Variants in CTIF observed in about 807,000 individuals in gnomAD.
CTIF encodes CBP80/20-dependent translation initiation factor.
CTIF carries 21 observed loss-of-function variants against 66.0 expected under a neutral mutation model. That is an observed-to-expected ratio of 0.32 (90% CI 0.23 to 0.46). CTIF has a LOEUF of 0.46. CTIF is among the 20% of genes least tolerant of loss of function. The pLI, the probability that CTIF is intolerant of heterozygous loss-of-function variation, is 1.00. For synonymous variants in CTIF, 345 were observed against 326.4 expected (o/e 1.06, Z -0.62); for missense variants, 739 against 812.7 (o/e 0.91, Z 1.10).
intron 9 of CTIF, among the ~76,000 whole-genome samples, chr18:48,776,747 G>A (rs1336225882): frequency 6.6e-6 from 1 of 152,272 alleles, no homozygotes; most frequent in African/African-American, 2.4e-5. Flanking sequence ...ACTAGGGAGA[G>A]GCTGGAACCC....
At chr18:48,597,754 C>G (rs1370426615) in intron 1 of CTIF, among the ~76,000 whole-genome samples, 1 of 152,168 alleles carries the variant, frequency 6.6e-6, no homozygotes, top group Non-Finnish European at 1.5e-5. Flanking sequence ...CTCAGGTATT[C>G]CTTTATAGCA....
intron 6 of CTIF, among the ~76,000 whole-genome samples, chr18:48,674,540 C>G (rs1397788176): frequency 1.3e-5 from 2 of 152,228 alleles, no homozygotes; most frequent in African/African-American, 4.8e-5. Context: ...ATGCTGACAC[C>G]TAGGCGTCTG....
intron 6 of CTIF, among the ~76,000 whole-genome samples, chr18:48,676,842 G>A (rs909539208): frequency 2.6e-5 from 4 of 151,944 alleles, no homozygotes; most frequent in African/African-American, 4.8e-5. Context: ...TAAAGAATCC[G>A]AGGGACAAAT....
intron 1 of CTIF, chr18:48,540,075 C>CG (rs1275239533): frequency 3.9e-5 from 6 of 152,122 alleles, no homozygotes; most frequent in Admixed American, 1.3e-4. Flanking sequence ...CCGCGGGCCG[C>CG]GGGGGGAGCG....
At chr18:48,830,050 T>C (rs1294755618) in intron 10 of CTIF, among the ~76,000 whole-genome samples, 2 of 152,192 alleles carry the variant, frequency 1.3e-5, no homozygotes, top group African/African-American at 2.4e-5. Flanking sequence ...ATCAGCCTTC[T>C]CTTGTAGCCA....
At chr18:48,567,220 C>T (rs1228720158) in intron 1 of CTIF, 1 of 152,148 alleles carries the variant, frequency 6.6e-6, no homozygotes, top group East Asian at 1.9e-4. Context: ...GACAGAGGCA[C>T]AGGGACAGTG....
intron 1 of CTIF, among the ~76,000 whole-genome samples, chr18:48,617,902 AGCT>A (rs2090426597): frequency 6.6e-6 from 1 of 152,176 alleles, no homozygotes; most frequent in Non-Finnish European, 1.5e-5. Flanking sequence ...AGCACCTCAG[AGCT>A]CCCTGCAGCA....
At chr18:48,829,423 C>T (rs1377176589) in intron 10 of CTIF, among the ~76,000 whole-genome samples, 1 of 152,166 alleles carries the variant, frequency 6.6e-6, no homozygotes, top group South Asian at 2.1e-4. Context: ...ATAAACCGGG[C>T]ACTGGGGGTG....
intron 3 of CTIF, among the ~76,000 whole-genome samples, chr18:48,642,982 A>G (rs754601632): frequency 6.6e-6 from 1 of 152,150 alleles, no homozygotes. Context: ...GCACATTAAG[A>G]AGTACAACGC....
intron 1 of CTIF, among the ~76,000 whole-genome samples, chr18:48,560,450 C>T (rs574416379): frequency 1.3e-5 from 2 of 152,160 alleles, no homozygotes; most frequent in African/African-American, 4.8e-5. Context: ...TGGTCTCGAT[C>T]TCCTGACCTT....
chr18:48,858,636 G>T (rs1378658149), intron 11 of CTIF, among the ~76,000 whole-genome samples: 2 of 152,152 alleles, frequency 1.3e-5, no homozygotes, highest in African/African-American at 4.8e-5. Context: ...AGATTCTATA[G>T]AGAGGGCCTG....
chr18:48,553,639 T>C (rs1353509768), intron 1 of CTIF, among the ~76,000 whole-genome samples: 1 of 150,228 alleles, frequency 6.7e-6, no homozygotes, highest in Non-Finnish European at 1.5e-5. Flanking sequence ...TTGAGTGACT[T>C]TCTTTTTCTT....
chr18:48,791,198 G>A (rs2067785969), intron 9 of CTIF, among the ~76,000 whole-genome samples: 1 of 152,214 alleles, frequency 6.6e-6, no homozygotes. Flanking sequence ...TGGCTGGTCA[G>A]ACCATGAGAG....
chr18:48,720,935 A>G (rs2092329328), intron 7 of CTIF, among the ~76,000 whole-genome samples: 1 of 152,096 alleles, frequency 6.6e-6, no homozygotes, highest in Non-Finnish European at 1.5e-5. Flanking sequence ...ATCACACTTC[A>G]TGGGAATACA....
intron 9 of CTIF, among the ~76,000 whole-genome samples, chr18:48,815,648 T>C (rs998522611): frequency 1.3e-5 from 2 of 152,244 alleles, no homozygotes; most frequent in African/African-American, 4.8e-5. Context: ...GCCCCTGACC[T>C]GCCACCTGAG....
At chr18:48,831,177 C>A (rs1476540292) in intron 10 of CTIF, among the ~76,000 whole-genome samples, 1 of 152,242 alleles carries the variant, frequency 6.6e-6, no homozygotes, top group African/African-American at 2.4e-5. Context: ...ATCACCCCAG[C>A]AAGCAAGCCC....
intron 9 of CTIF, among the ~76,000 whole-genome samples, chr18:48,786,951 A>T (rs1911764238): frequency 6.6e-6 from 1 of 151,982 alleles, no homozygotes; most frequent in Non-Finnish European, 1.5e-5. Flanking sequence ...CCATGGCAGT[A>T]AATCTCCCTT....
chr18:48,583,172 C>T (rs1046290478), intron 1 of CTIF, among the ~76,000 whole-genome samples: 1 of 152,264 alleles, frequency 6.6e-6, no homozygotes, highest in Admixed American at 6.5e-5. Flanking sequence ...CCTGGTGTGA[C>T]CCCCACACAT....
chr18:48,683,084 C>T (rs2091774859), intron 6 of CTIF: 1 of 152,220 alleles, frequency 6.6e-6, no homozygotes, highest in Non-Finnish European at 1.5e-5. Flanking sequence ...AGTTTGTTCC[C>T]TGCGTGCAGA....
Sources: allele counts gnomAD v4.1 joint callset (sites outside exome capture counted in the v4.1 genomes callset), GRCh38; gene constraint gnomAD v4.1.1; transcripts MANE v1.5; gene names NCBI Gene and HGNC (gene_info 2026-07-23, HGNC 2026-07-21).